The following FAM117B variants were observed in gnomAD, a reference collection of about 807,000 sequenced individuals.
FAM117B encodes family with sequence similarity 117 member B.
A neutral mutation model predicts 52.8 loss-of-function variants in FAM117B; 22 were observed. That is an observed-to-expected ratio of 0.42 (90% CI 0.30 to 0.59). The LOEUF is 0.59. FAM117B is among the 20% of genes least tolerant of loss of function. The pLI is 0.22. For missense variants in FAM117B, 678 were observed against 802.6 expected, an observed-to-expected ratio of 0.84 and a Z score of 1.88; for synonymous variants, 309 against 324.1, an observed-to-expected ratio of 0.95 and a Z score of 0.50.
intron 1 of FAM117B, among the ~76,000 whole-genome samples, chr2:202,677,344 G>A (rs1329364107): frequency 1.3e-5 from 2 of 152,150 alleles, no homozygotes; most frequent in East Asian, 3.9e-4. Context: ...GGGATTACAG[G>A]CGTGAGCCAC....
chr2:202,703,008 C>T (rs969142984), intron 2 of FAM117B, among the ~76,000 whole-genome samples: 3 of 152,116 alleles, frequency 2.0e-5, no homozygotes, highest in African/African-American at 4.8e-5. Context: ...TTGTGTTACT[C>T]CCTTTATTGC....
At chr2:202,743,416 C>A (rs540083814) in intron 4 of FAM117B, among the ~76,000 whole-genome samples, 1 of 151,902 alleles carries the variant, frequency 6.6e-6, no homozygotes, top group Non-Finnish European at 1.5e-5. Context: ...AAAGCCAATT[C>A]AAAAAATTGG....
At chr2:202,725,046 TATG>T (rs748947245) in intron 3 of FAM117B, 37 bp downstream of exon 3, 2 of 1,506,060 alleles carry the variant, frequency 1.3e-6, no homozygotes, top group South Asian at 1.2e-5. Context: ...GGTGTGGAAA[TATG>T]ATCCTTTTGT....
At chr2:202,670,823 G>A (rs1690286962) in intron 1 of FAM117B, among the ~76,000 whole-genome samples, 2 of 152,210 alleles carry the variant, frequency 1.3e-5, no homozygotes, top group South Asian at 2.1e-4. Context: ...TACTCACCCT[G>A]TTAGGGACTA....
intron 4 of FAM117B, among the ~76,000 whole-genome samples, chr2:202,729,166 C>T (rs529587198): frequency 8.3e-4 from 127 of 152,262 alleles, no homozygotes; most frequent in African/African-American, 2.7e-3. Context: ...GGCGAAACCA[C>T]ATCTCTACTA....
At chr2:202,648,880 G>A (rs888530595) in intron 1 of FAM117B, among the ~76,000 whole-genome samples, 114 of 151,912 alleles carry the variant, frequency 7.5e-4, no homozygotes, top group African/African-American at 2.6e-3. Context: ...TCCTGCCTCA[G>A]CCTCCTGAGT....
At position 202,726,307 on chromosome 2, in the gene FAM117B, G is replaced by A. The variant is rs1691244734; in HGVS notation, c.904G>A (p.Asp302Asn). ...RSKHSSRHHR[D>N]KERQSPFHGN... is the part of the protein sequence containing the mutation. Reference sequence around the variant, plus strand: ...TAAACACAGCAGTCGGCATCATCGAGATAAAGAAAGACAGTCTCCATTTCA... The same window carrying A: ...TAAACACAGCAGTCGGCATCATCGAAATAAAGAAAGACAGTCTCCATTTCA... The change falls in exon 4 of 8, where the codon GAT becomes AAT. Residue 302 changes from aspartate (D) to asparagine (N), a missense_variant. Physicochemically the swap from Asp to Asn is conservative, Grantham distance 23. This residue lies in a region of FAM117B where 583 missense variants were observed against 644.8 expected (regional missense o/e 0.90). Coordinates refer to ENST00000392238, the MANE Select transcript of FAM117B (RefSeq NM_173511.4). 1 of 1,613,736 alleles carries A rather than the reference G, an allele frequency of 6.2e-7. No individual in the cohort carries two copies. Among genetic ancestry groups the A allele is most frequent in the Non-Finnish European group, 8.5e-7 (1 of 1,179,972 alleles).
chr2:202,635,886 G>T lies in FAM117B; in HGVS notation c.601+98G>T, dbSNP rs1307573095. ...GCGGGGACTGCAGAGCTGCCGCGGA[G>T]CCCGGGTGGCTGGGGGCGGGGCTGG... is the stretch of plus-strand genomic sequence containing the variant. On this transcript the variant is annotated intron_variant, in intron 1 of 7. Transcript: ENST00000392238. 6 of 1,197,088 alleles carry T rather than the reference G, an allele frequency of 5.0e-6. No individual in the cohort carries two copies. In the Admixed American group the frequency reaches 1.8e-4, roughly 35 times the overall value. The allele number at this position is 1,197,088 out of a possible 1,614,324, so 74.2% of individuals were successfully genotyped here. A position where few individuals can be genotyped will look rare whatever the true frequency, so the allele number is the denominator to read the frequency against.
chr2:202,735,043 G>A (rs988669349), intron 4 of FAM117B, among the ~76,000 whole-genome samples: 7 of 152,098 alleles, frequency 4.6e-5, no homozygotes, highest in Admixed American at 6.5e-5. Context: ...CTCATTGAGA[G>A]CATATTATAT....
chr2:202,656,171 C>A (rs1690053919), intron 1 of FAM117B, among the ~76,000 whole-genome samples: 1 of 152,088 alleles, frequency 6.6e-6, no homozygotes, highest in Non-Finnish European at 1.5e-5. Context: ...TGTCAAAGAA[C>A]CAGCTTTTAG....
At chr2:202,725,704 T>G (rs1489649699) in intron 3 of FAM117B, among the ~76,000 whole-genome samples, 1 of 152,234 alleles carries the variant, frequency 6.6e-6, no homozygotes, top group African/African-American at 2.4e-5. Context: ...ATGCTATGAT[T>G]ACCATTTTCT....
rs1454555156 is a variant in FAM117B, at chr2:202,755,435, C to CT, written c.961-100dup. 9.1e-6 allele frequency: 13 copies of CT among 1,428,770 alleles called. No individual in the cohort carries two copies. In the South Asian group the frequency reaches 1.0e-4, roughly 11 times the overall value. 88.5% of individuals were successfully genotyped at this position (1,428,770 alleles called of 1,614,324 possible). A position where few individuals can be genotyped will look rare whatever the true frequency, so the allele number is the denominator to read the frequency against. On this transcript the variant is annotated intron_variant, in intron 4 of 7. Transcript: ENST00000392238. The stretch of plus-strand genomic sequence containing the variant: ...TCACACTTTTTGTGAGGCCTGTAAA[C>CT]TTTGATTTATTTTTGAGTTACTTAT...
chr2:202,755,917 TTGTC>T (rs1691794284), intron 5 of FAM117B, among the ~76,000 whole-genome samples: 1 of 152,200 alleles, frequency 6.6e-6, no homozygotes, highest in South Asian at 2.1e-4. Flanking sequence ...TATTTTTTGT[TTGTC>T]TGTATTTAGA....
intron 2 of FAM117B, among the ~76,000 whole-genome samples, chr2:202,717,919 C>T (rs757192944): frequency 1.3e-5 from 2 of 152,162 alleles, no homozygotes; most frequent in Non-Finnish European, 2.9e-5. Context: ...TGGGCAGGTC[C>T]AGAGGTGTTG....
At chr2:202,705,141 T>C (rs1030007973) in intron 2 of FAM117B, among the ~76,000 whole-genome samples, 1 of 151,852 alleles carries the variant, frequency 6.6e-6, no homozygotes, top group Non-Finnish European at 1.5e-5. Flanking sequence ...ACCCCATCTC[T>C]ACTAAAAATA....
At position 202,768,777 on chromosome 2, in the gene FAM117B, A is replaced by AT. The variant is rs942155810; in HGVS notation, c.*3020dup. The stretch of plus-strand genomic sequence containing the variant: ...TAGCTTCAATGGGAATATAATTTAA[A>AT]TTTTTTTAATTTTATAAAAATTTAT... On this transcript the variant is annotated 3_prime_UTR_variant, in exon 8 of 8. Coordinates refer to ENST00000392238, the MANE Select transcript of FAM117B (RefSeq NM_173511.4). The AT allele has an allele frequency of 2.6e-5, 4 of 152,258 alleles. No individual in the cohort carries two copies. The highest frequency in any genetic ancestry group is 7.2e-5 in the African/African-American group (3 of 41,444). The allele number at this position is 152,258 out of a possible 1,614,324, so 9.4% of individuals were successfully genotyped here.
chr2:202,740,890 A>G (rs1401865449), intron 4 of FAM117B, among the ~76,000 whole-genome samples: 2 of 152,208 alleles, frequency 1.3e-5, no homozygotes, highest in Non-Finnish European at 2.9e-5. Context: ...GGAAATGTCC[A>G]TGTATGTAGA....
chr2:202,755,613 G>T lies in FAM117B; in HGVS notation c.1036G>T (p.Val346Leu), dbSNP rs1354071673. The T allele has an allele frequency of 1.2e-6, 2 of 1,614,102 alleles. No individual in the cohort carries two copies. The highest frequency in any genetic ancestry group is 1.1e-5 in the South Asian group (1 of 91,076). Reference sequence around the variant, plus strand: ...AACAGGCTCCCGGTTCCGGAATAGCGTGGAAGGATTGAATCAGGAGATTGA... The same window carrying T: ...AACAGGCTCCCGGTTCCGGAATAGCTTGGAAGGATTGAATCAGGAGATTGA... ...KSTGSRFRNS[V>L]EGLNQEIEII... The change falls in exon 5 of 8, where the codon GTG becomes TTG. Residue 346 changes from valine (V) to leucine (L), a missense_variant. Val to Leu is a conservative substitution (Grantham distance 32). This residue lies in a region of FAM117B where 583 missense variants were observed against 644.8 expected (regional missense o/e 0.90). Coordinates refer to ENST00000392238, the MANE Select transcript of FAM117B (RefSeq NM_173511.4).
chr2:202,688,372 C>T (rs1690575494), intron 1 of FAM117B, among the ~76,000 whole-genome samples: 1 of 151,982 alleles, frequency 6.6e-6, no homozygotes, highest in Non-Finnish European at 1.5e-5. Flanking sequence ...TTTGCGTTTC[C>T]TTCGTGTGTG....
Sources: gnomAD v4.1 joint callset for allele counts (sites outside exome capture counted in the v4.1 genomes callset) on GRCh38, gnomAD v4.1.1 for gene constraint, gnomAD v4.1.1 regional missense constraint, MANE v1.5 for transcripts, NCBI Gene and HGNC (gene_info 2026-07-23, HGNC 2026-07-21) for gene names.